The following SETD2 variants were observed in gnomAD, a reference collection of about 807,000 sequenced individuals.
SETD2 encodes SET domain containing 2, histone lysine methyltransferase, also known as histone-lysine N-methyltransferase SETD2.
In SETD2, 31 loss-of-function variants were observed where a neutral mutation model predicts 242.1. The ratio of observed to expected loss-of-function variants is 0.13; its 90% CI spans 0.10 to 0.17. SETD2 has a LOEUF of 0.17. SETD2 is among the 10% of genes least tolerant of loss of function. The pLI is 1.00. For missense variants in SETD2, 2,481 were observed against 3,046.3 expected, an observed-to-expected ratio of 0.81 and a Z score of 4.37; for synonymous variants, 1,006 against 1,066.5, an observed-to-expected ratio of 0.94 and a Z score of 1.11.
chr3:47,024,186 A>G (rs2038363147), intron 18 of SETD2, among the ~76,000 whole-genome samples: 1 of 152,206 alleles, frequency 6.6e-6, no homozygotes, highest in Admixed American at 6.5e-5. Flanking sequence ...TTAAAAATAC[A>G]AAAAGGCCAG....
rs2106701102 is a variant in SETD2 at position 47,123,326 on chromosome 3, C to T, written c.1310G>A (p.Ser437Asn). 17 of 1,551,712 alleles carry T rather than the reference C, an allele frequency of 1.1e-5. No individual in the cohort carries two copies. The highest frequency in any genetic ancestry group is 1.4e-5 in the Non-Finnish European group (16 of 1,147,002). ...GCGCGTCCTCTCTCGATAAGGGGAG[C>T]TCCTATGGTAGCGACGATCAGAGTC... ...YYDSDRRYHR[S>N]SPYRERTRYS... The change falls in exon 3 of 21, where the codon AGC becomes AAC. Residue 437 changes from serine (S) to asparagine (N), a missense_variant. Physicochemically the swap from Ser to Asn is conservative, Grantham distance 46. Around this residue, in one of 17 missense-constraint regions of SETD2, gnomAD observed 1,300 missense variants for 1,259.2 expected, o/e 1.03. Coordinates refer to ENST00000409792, the MANE Select transcript of SETD2 (RefSeq NM_014159.7).
intron 5 of SETD2, among the ~76,000 whole-genome samples, chr3:47,106,510 A>G (rs1268320526): frequency 2.5e-4 from 34 of 134,960 alleles, no homozygotes; most frequent in Admixed American, 9.5e-4. Flanking sequence ...AAAAAAAAAA[A>G]AAAAAAAAAA....
chr3:47,056,995 G>A lies in SETD2; in HGVS notation c.6789C>T (p.Gly2263=), dbSNP rs1364956563. 1 of 1,614,266 alleles carries A rather than the reference G, an allele frequency of 6.2e-7. No homozygotes were observed. The highest frequency in any genetic ancestry group is 1.7e-5 in the Admixed American group (1 of 60,034). ...SVAVLPVPAP[G]PVQGQNYSVW... is the part of the protein sequence containing the mutation. ...CACTATAATTCTGTCCCTGAACTGG[G>A]CCGGGGGCCGGCACTGGCAAGACAG... is the stretch of plus-strand genomic sequence containing the variant. The change falls in exon 15 of 21, where the codon GGC becomes GGT. Residue 2263 remains glycine (G), a synonymous_variant. Transcript: ENST00000409792.
chr3:47,061,331 T>C (rs187802794), intron 14 of SETD2, among the ~76,000 whole-genome samples: 1 of 151,976 alleles, frequency 6.6e-6, no homozygotes, highest in East Asian at 1.9e-4. Flanking sequence ...CAGAACAGAA[T>C]AGAGAATGCA....
intron 9 of SETD2, 122 bp downstream of exon 9, chr3:47,097,833 C>G: frequency 2.2e-6 from 2 of 905,928 alleles, no homozygotes; most frequent in East Asian, 2.5e-5. Flanking sequence ...TTTCTGGTAA[C>G]AACTCATCTG....
intron 1 of SETD2, among the ~76,000 whole-genome samples, chr3:47,138,712 C>G (rs1396891693): frequency 6.6e-6 from 1 of 151,960 alleles, no homozygotes; most frequent in Non-Finnish European, 1.5e-5. Flanking sequence ...TGAGCCACCG[C>G]GCCCAGTCAA....
At chr3:47,088,408 A>G (rs372609176) in intron 9 of SETD2, among the ~76,000 whole-genome samples, 161 bp from the exon 10 acceptor site, 8 of 151,102 alleles carry the variant, frequency 5.3e-5, no homozygotes, top group African/African-American at 1.7e-4. Flanking sequence ...GAAGGCTGAT[A>G]ATAACAAGTC....
intron 18 of SETD2, among the ~76,000 whole-genome samples, chr3:47,023,571 T>C (rs2038336804): frequency 6.6e-6 from 1 of 152,136 alleles, no homozygotes; most frequent in Non-Finnish European, 1.5e-5. Context: ...TACATGTCAA[T>C]TTTTAAAAGG....
chr3:47,140,617 T>C (rs899392155), intron 1 of SETD2, among the ~76,000 whole-genome samples: 2 of 152,134 alleles, frequency 1.3e-5, no homozygotes, highest in African/African-American at 4.8e-5. Context: ...TCTCAGCACT[T>C]TGGGAGGCCA....
At chr3:47,028,745 A>G (rs1439111719) in intron 18 of SETD2, 2 of 152,308 alleles carry the variant, frequency 1.3e-5, no homozygotes, top group Admixed American at 1.3e-4. Flanking sequence ...GAAGAAATTA[A>G]AACTACTGGG....
At chr3:47,089,557 T>TA (rs1326164622) in intron 9 of SETD2, among the ~76,000 whole-genome samples, 1 of 152,180 alleles carries the variant, frequency 6.6e-6, no homozygotes, top group Non-Finnish European at 1.5e-5. Context: ...CTTTGTAACA[T>TA]ATATATTCTT....
At chr3:47,095,506 C>A (rs954313162) in intron 9 of SETD2, among the ~76,000 whole-genome samples, 3 of 152,038 alleles carry the variant, frequency 2.0e-5, no homozygotes, top group Admixed American at 2.0e-4. Flanking sequence ...TCTGGTAAAC[C>A]ATGAATTATA....
rs1184775247 is a variant in SETD2, at chr3:47,122,905, T to G, written c.1731A>C (p.Glu577Asp). The change falls in exon 3 of 21, where the codon GAA becomes GAC. Residue 577 changes from glutamate to aspartate, a missense_variant. By Grantham distance (45) the Glu-to-Asp change is conservative (BLOSUM62 2). Coordinates refer to ENST00000409792, the MANE Select transcript of SETD2 (RefSeq NM_014159.7). The stretch of plus-strand genomic sequence containing the variant: ...GAGACTGTTTGATTTCTTCATTTAA[T>G]TCTGTACAACAGAAAGAATTTTTAA... ...DKFKNSFCCT[E>D]LNEEIKQSHS... The G allele has an allele frequency of 3.1e-6, 5 of 1,610,940 alleles. No homozygotes were observed. In the South Asian group the frequency reaches 5.5e-5, roughly 18 times the overall value.
intron 1 of SETD2, among the ~76,000 whole-genome samples, chr3:47,127,838 G>A (rs1000419598): frequency 1.3e-5 from 2 of 152,114 alleles, no homozygotes; most frequent in African/African-American, 2.4e-5. Flanking sequence ...TGGGCAACAA[G>A]AGCAAAACTC....
At chr3:47,151,953 G>C (rs1294126473) in intron 1 of SETD2, among the ~76,000 whole-genome samples, 1 of 152,012 alleles carries the variant, frequency 6.6e-6, no homozygotes. Flanking sequence ...TGGGGGAACA[G>C]TCTTTTTATA....
intron 18 of SETD2, among the ~76,000 whole-genome samples, chr3:47,026,707 CA>C (rs79202434): frequency 0.55 from 83,798 of 151,610 alleles, 23,348 homozygotes; most frequent in Non-Finnish European, 0.58. Context: ...CACAAGAGAA[CA>C]CAAAACCAAA....
At chr3:47,051,967 C>G (rs2039864302) in intron 15 of SETD2, among the ~76,000 whole-genome samples, 1 of 152,134 alleles carries the variant, frequency 6.6e-6, no homozygotes, top group African/African-American at 2.4e-5. Flanking sequence ...AAGAACACTT[C>G]CAAATGTTGG....
At chr3:47,158,162 A>G (rs549208324) in intron 1 of SETD2, among the ~76,000 whole-genome samples, 1 of 152,322 alleles carries the variant, frequency 6.6e-6, no homozygotes, top group South Asian at 2.1e-4. Flanking sequence ...AATGCATAAG[A>G]TAAAATACAT....
intron 13 of SETD2, among the ~76,000 whole-genome samples, chr3:47,063,243 A>G (rs753652818): frequency 5.9e-5 from 9 of 152,210 alleles, no homozygotes; most frequent in Non-Finnish European, 7.3e-5. Flanking sequence ...AGGTATAAAT[A>G]TAAAAGGAAA....
Sources: gnomAD v4.1 joint callset for allele counts (sites outside exome capture counted in the v4.1 genomes callset) on GRCh38, gnomAD v4.1.1 for gene constraint, gnomAD v4.1.1 regional missense constraint, MANE v1.5 for transcripts, NCBI Gene and HGNC (gene_info 2026-07-23, HGNC 2026-07-21) for gene names.